The following HESX1 variants were observed in gnomAD, a reference collection of about 807,000 sequenced individuals.
HESX1 encodes the protein homeobox expressed in ES cells 1.
In HESX1, 11 loss-of-function variants were observed where a neutral mutation model predicts 22.5. That is an observed-to-expected ratio of 0.49 (90% CI 0.31 to 0.81). The LOEUF (loss-of-function observed/expected upper bound fraction) is 0.81. Ranked by LOEUF, HESX1 falls within the 30% of genes least tolerant of loss-of-function variation. The pLI is 0.05. For synonymous variants in HESX1, 74 were observed against 76.5 expected (o/e 0.97, Z 0.17); for missense variants, 201 against 212.6 (o/e 0.95, Z 0.34).
intron 1 of HESX1, among the ~76,000 whole-genome samples, chr3:57,209,234 T>C (rs73084718): frequency 0.035 from 5,400 of 152,304 alleles, 155 homozygotes; most frequent in Non-Finnish European, 0.06. Flanking sequence ...AATTTAAACT[T>C]GGACAGACAC....
Position 57,198,107 on chromosome 3 carries a change from A to C in HESX1, c.*90T>G. 1.2e-6 allele frequency: 1 copy of C among 847,776 alleles called. No individual in the cohort carries two copies. The highest frequency in any genetic ancestry group is 2.0e-6 in the Non-Finnish European group (1 of 504,902). 52.5% of individuals were successfully genotyped at this position (847,776 alleles called of 1,614,324 possible). On this transcript the variant is annotated 3_prime_UTR_variant, in exon 4 of 4. Transcript: ENST00000295934. ...TGACAATATTCAGATTAAATGCAGGAAAGAAAACATCACATTTTAACACTT... is the reference window on the plus strand; with the variant it reads ...TGACAATATTCAGATTAAATGCAGGCAAGAAAACATCACATTTTAACACTT...
At chr3:57,215,429 T>A (rs1437956611) in intron 1 of HESX1, among the ~76,000 whole-genome samples, 1 of 152,180 alleles carries the variant, frequency 6.6e-6, no homozygotes, top group African/African-American at 2.4e-5. Context: ...CAAAGTTTCT[T>A]CTTTTCTATA....
intron 1 of HESX1, among the ~76,000 whole-genome samples, chr3:57,214,527 C>G (rs1302840791): frequency 1.3e-5 from 2 of 152,174 alleles, no homozygotes; most frequent in African/African-American, 4.8e-5. Context: ...GAGCATATAA[C>G]TTAGCCTTTT....
chr3:57,211,696 A>T (rs141794552), intron 1 of HESX1, among the ~76,000 whole-genome samples: 3,637 of 151,932 alleles, frequency 0.024, 67 homozygotes, highest in South Asian at 0.04. Flanking sequence ...AGCCGGACGT[A>T]GTGGCAAGCA....
intron 1 of HESX1, among the ~76,000 whole-genome samples, chr3:57,209,481 A>G (rs2060540167): frequency 6.6e-6 from 1 of 152,062 alleles, no homozygotes; most frequent in African/African-American, 2.4e-5. Flanking sequence ...CACTACTAAA[A>G]ATACAAAAAA....
At chr3:57,202,016 T>C (rs1181879916), upstream of HESX1, among the ~76,000 whole-genome samples, 1 of 151,808 alleles carries the variant, frequency 6.6e-6, no homozygotes, top group Admixed American at 6.6e-5. Context: ...CCTCCCGGGT[T>C]CACGCCATTC....
At chr3:57,222,046 G>C (rs958098732) in intron 1 of HESX1, among the ~76,000 whole-genome samples, 1 of 152,144 alleles carries the variant, frequency 6.6e-6, no homozygotes, top group Non-Finnish European at 1.5e-5. Context: ...AATGAAGACA[G>C]CTGTTCCCTG....
chr3:57,203,517 T>C (rs187827425), upstream of HESX1, among the ~76,000 whole-genome samples: 36 of 152,122 alleles, frequency 2.4e-4, no homozygotes, highest in African/African-American at 8.7e-4. Flanking sequence ...TTGTGGGAAG[T>C]GATGTGAGCA....
At chr3:57,207,228 G>A (rs557897760) in intron 1 of HESX1, among the ~76,000 whole-genome samples, 1 of 152,300 alleles carries the variant, frequency 6.6e-6, no homozygotes, top group Admixed American at 6.5e-5. Context: ...AGGATTACAG[G>A]CATGAGCCAC....
intron 1 of HESX1, among the ~76,000 whole-genome samples, chr3:57,213,701 C>T (rs2060568572): frequency 1.3e-5 from 2 of 152,086 alleles, no homozygotes; most frequent in East Asian, 1.9e-4. Context: ...TCGAGGCAGG[C>T]GGATCGCGAG....
intron 1 of HESX1, among the ~76,000 whole-genome samples, chr3:57,215,138 T>C (rs1416397354): frequency 1.3e-5 from 2 of 152,154 alleles, no homozygotes; most frequent in Non-Finnish European, 2.9e-5. Flanking sequence ...CTCACACATA[T>C]AACCTAAATA....
intron 1 of HESX1, among the ~76,000 whole-genome samples, chr3:57,218,500 G>A (rs1157531568): frequency 2.9e-5 from 4 of 140,140 alleles, no homozygotes; most frequent in African/African-American, 1.1e-4. Flanking sequence ...CTGGAGTGCA[G>A]TAGCGTGACC....
intron 1 of HESX1, among the ~76,000 whole-genome samples, chr3:57,219,750 G>A (rs778122931): frequency 6.6e-6 from 1 of 152,184 alleles, no homozygotes; most frequent in South Asian, 2.1e-4. Flanking sequence ...ACCTTTGTCA[G>A]ATGCATAGTT....
chr3:57,198,798 A>G lies in HESX1; in HGVS notation c.312T>C (p.Ser104=). ...TTCTTGGTCTTCGGCCTCTATACCA[A>G]CTCAACTCTCTTTTCAAAGACAGTC... ...SERLSLKREL[S]WYRGRRPRTA... Residue 104 remains serine, a synonymous_variant, in exon 2 of 4, where the codon AGT becomes AGC. Coordinates refer to ENST00000295934, the MANE Select transcript of HESX1 (RefSeq NM_003865.3). 1 of 1,614,062 alleles carries G rather than the reference A, an allele frequency of 6.2e-7. No individual in the cohort carries two copies. Among genetic ancestry groups the G allele is most frequent in the Non-Finnish European group, 8.5e-7 (1 of 1,180,000 alleles).
At chr3:57,224,225 C>T (rs2107587628) in intron 1 of HESX1, among the ~76,000 whole-genome samples, 1 of 152,266 alleles carries the variant, frequency 6.6e-6, no homozygotes, top group East Asian at 1.9e-4. Flanking sequence ...CTCAGGTGAT[C>T]CACCCGCCTC....
intron 1 of HESX1, among the ~76,000 whole-genome samples, chr3:57,220,109 T>C (rs1377525482): frequency 6.6e-6 from 1 of 152,216 alleles, no homozygotes; most frequent in Admixed American, 6.5e-5. Flanking sequence ...CTTTCCCTAT[T>C]GCTCGTTTTT....
chr3:57,198,521 A>G (rs1437092982), intron 2 of HESX1, 29 bp from the exon 3 acceptor site: 3 of 1,344,168 alleles, frequency 2.2e-6, no homozygotes, highest in Non-Finnish European at 3.2e-6. Flanking sequence ...GATATTCAGT[A>G]TGTCTCCAAA....
rs756899311 is a variant in HESX1, at chr3:57,198,952, C to T, written c.158G>A (p.Gly53Glu). 6.2e-7 allele frequency: 1 copy of T among 1,613,542 alleles called. No homozygotes were observed. Among genetic ancestry groups the T allele is most frequent in the Non-Finnish European group, 8.5e-7 (1 of 1,179,668 alleles). The change falls in exon 2 of 4, where the codon GGG becomes GAG. Residue 53 changes from glycine (G) to glutamate (E), a missense_variant and splice_region_variant. Transcript: ENST00000295934. The part of the protein sequence containing the change: ...RPWADTCSSS[G>E]KDGNLCLHVP... ...ATGTAGACATAAGTTACCATCTTTC[C>T]CTAAAAACAAAAAAATAAGCCCTGT...
chr3:57,202,873 C>T (rs2060498041), upstream of HESX1, among the ~76,000 whole-genome samples: 1 of 152,072 alleles, frequency 6.6e-6, no homozygotes, highest in African/African-American at 2.4e-5. Context: ...AGCTAGCATG[C>T]CAAGAGCCTG....
Sources: gnomAD v4.1 joint callset for allele counts (sites outside exome capture counted in the v4.1 genomes callset) on GRCh38, gnomAD v4.1.1 for gene constraint, MANE v1.5 for transcripts, NCBI Gene and HGNC (gene_info 2026-07-23, HGNC 2026-07-21) for gene names.